The following JARID2 variants were observed in gnomAD, a reference collection of about 807,000 sequenced individuals.
JARID2 encodes the protein protein Jumonji.
A neutral mutation model predicts 125.6 loss-of-function variants in JARID2; 21 were observed. The ratio of observed to expected loss-of-function variants is 0.17; its 90% CI spans 0.12 to 0.24. JARID2 has a LOEUF of 0.24. Among genes scored for constraint, JARID2 ranks in the 10% least tolerant of loss-of-function variants. The probability of loss-of-function intolerance (pLI) is 1.00; values close to 1 mark genes in which losing one functional copy is unlikely to be tolerated. For synonymous variants in JARID2, 736 were observed against 661.6 expected, an observed-to-expected ratio of 1.11 and a Z score of -1.73; for missense variants, 1,303 against 1,639.6, an observed-to-expected ratio of 0.79 and a Z score of 3.55.
chr6:15,425,844 A>T lies in JARID2; in HGVS notation c.323+15479A>T, dbSNP rs547808271. On this transcript the variant is annotated intron_variant, in intron 3 of 17. Coordinates refer to ENST00000341776, the MANE Select transcript of JARID2 (RefSeq NM_004973.4). ...GGAACACAAGCAGAGTGACTAGGGA[A>T]ATTGCGGCAGCTTCAATATGGTCAT... Among the ~76,000 whole-genome samples, 9 of 152,314 alleles carry T rather than the reference A, an allele frequency of 5.9e-5. 1 individual carries two copies. In the South Asian group the frequency reaches 1.9e-3, roughly 32 times the overall value.
At chr6:15,417,866 C>T (rs893753111) in intron 3 of JARID2, among the ~76,000 whole-genome samples, 2 of 152,224 alleles carry the variant, frequency 1.3e-5, no homozygotes, top group Non-Finnish European at 2.9e-5. Flanking sequence ...TGTGAGTATG[C>T]ACATCCTTTC....
chr6:15,491,012 G>A (rs770819338), intron 6 of JARID2, among the ~76,000 whole-genome samples: 2 of 152,208 alleles, frequency 1.3e-5, no homozygotes, highest in Non-Finnish European at 2.9e-5. Context: ...TGTCACTGAA[G>A]AGGTTTTCAT....
intron 3 of JARID2, among the ~76,000 whole-genome samples, chr6:15,425,301 G>A (rs1259816677): frequency 6.6e-6 from 1 of 152,222 alleles, no homozygotes; most frequent in Non-Finnish European, 1.5e-5. Flanking sequence ...ATTTGTAAAT[G>A]AAAACGCATG....
intron 3 of JARID2, among the ~76,000 whole-genome samples, chr6:15,422,295 G>GT (rs1433089884): frequency 6.6e-6 from 1 of 152,186 alleles, no homozygotes; most frequent in Non-Finnish European, 1.5e-5. Flanking sequence ...GAGTTGGTAG[G>GT]TTTGGGGTGG....
intron 3 of JARID2, among the ~76,000 whole-genome samples, chr6:15,432,153 G>A (rs892877775): frequency 6.6e-5 from 10 of 152,126 alleles, no homozygotes; most frequent in African/African-American, 2.4e-4. Context: ...TACAGGCCGG[G>A]TGTGGTGGCT....
chr6:15,301,664 T>C (rs1277771799), intron 1 of JARID2, among the ~76,000 whole-genome samples: 3 of 152,224 alleles, frequency 2.0e-5, no homozygotes, highest in Non-Finnish European at 4.4e-5. Context: ...CCTTTTCCCA[T>C]AGTGATTTGA....
intron 1 of JARID2, among the ~76,000 whole-genome samples, chr6:15,338,418 A>C (rs923683072): frequency 1.3e-5 from 2 of 152,260 alleles, no homozygotes; most frequent in African/African-American, 2.4e-5. Flanking sequence ...TACGATTTAC[A>C]GAAAGGACTG....
chr6:15,493,775 A>G (rs1473872507), intron 6 of JARID2, among the ~76,000 whole-genome samples: 3 of 152,100 alleles, frequency 2.0e-5, no homozygotes, highest in Non-Finnish European at 4.4e-5. Flanking sequence ...TAGTGGAAGC[A>G]TTTGAAAGAA....
intron 2 of JARID2, among the ~76,000 whole-genome samples, chr6:15,405,303 G>C (rs1420851439): frequency 6.6e-6 from 1 of 152,200 alleles, no homozygotes; most frequent in Non-Finnish European, 1.5e-5. Flanking sequence ...AAAAGCTCCT[G>C]AATGTGCAGA....
intron 3 of JARID2, among the ~76,000 whole-genome samples, chr6:15,416,773 A>T (rs552392061): frequency 6.6e-6 from 1 of 152,048 alleles, no homozygotes; most frequent in East Asian, 1.9e-4. Context: ...GAATGGAACC[A>T]TTACAGAGAC....
Position 15,321,282 on chromosome 6 carries a change from CAAAG to C in JARID2, c.46-52831_46-52828del, listed in dbSNP as rs368312209. The stretch of plus-strand genomic sequence containing the variant: ...AAGGGAATGTCATTTTTTTACATCA[CAAAG>C]AAAAATCATGAAATTATTAATAGTT... On this transcript the variant is annotated intron_variant, in intron 1 of 17. Transcript: ENST00000341776. Among the ~76,000 whole-genome samples, 36 of 152,068 alleles carry C rather than the reference CAAAG, an allele frequency of 2.4e-4. 1 individual carries two copies. In the East Asian group the frequency reaches 6.6e-3, roughly 28 times the overall value.
At chr6:15,354,259 A>G (rs942463063) in intron 1 of JARID2, among the ~76,000 whole-genome samples, 2 of 152,224 alleles carry the variant, frequency 1.3e-5, no homozygotes, top group African/African-American at 4.8e-5. Context: ...TAAGGGGGCC[A>G]CAAGCCATGG....
At chr6:15,324,068 G>A (rs1762450775) in intron 1 of JARID2, among the ~76,000 whole-genome samples, 1 of 151,812 alleles carries the variant, frequency 6.6e-6, no homozygotes, top group Admixed American at 6.6e-5. Context: ...TGTAGTCCCA[G>A]CTACTCAGGC....
At chr6:15,497,806 C>T (rs1581647576) in intron 7 of JARID2, among the ~76,000 whole-genome samples, 1 of 152,270 alleles carries the variant, frequency 6.6e-6, no homozygotes, top group East Asian at 1.9e-4. Flanking sequence ...CTCTGGATTC[C>T]ACACTGGATT....
intron 1 of JARID2, among the ~76,000 whole-genome samples, chr6:15,285,415 G>A (rs533816205): frequency 7.9e-5 from 12 of 152,148 alleles, no homozygotes; most frequent in African/African-American, 2.9e-4. Context: ...GTGAGCCACC[G>A]CGCCCAGCCG....
intron 1 of JARID2, among the ~76,000 whole-genome samples, chr6:15,313,824 G>T (rs1307495839): frequency 6.6e-6 from 1 of 152,140 alleles, no homozygotes; most frequent in East Asian, 1.9e-4. Context: ...AAATACATTT[G>T]TCATCTAAAC....
chr6:15,430,707 G>A (rs1766932128), intron 3 of JARID2, among the ~76,000 whole-genome samples: 1 of 152,158 alleles, frequency 6.6e-6, no homozygotes, highest in Admixed American at 6.5e-5. Context: ...TTACCTGGGG[G>A]TTGTGGGACT....
intron 3 of JARID2, among the ~76,000 whole-genome samples, chr6:15,417,314 T>C (rs1766275613): frequency 6.6e-6 from 1 of 152,070 alleles, no homozygotes; most frequent in African/African-American, 2.4e-5. Flanking sequence ...GCAACAGGTA[T>C]TGTATCATAC....
intron 1 of JARID2, among the ~76,000 whole-genome samples, chr6:15,324,730 C>T (rs1264637276): frequency 6.6e-6 from 1 of 150,556 alleles, no homozygotes; most frequent in Non-Finnish European, 1.5e-5. Context: ...CAAGTGTGAT[C>T]CTCCTGCCTC....
Sources: allele counts gnomAD v4.1 joint callset (sites outside exome capture counted in the v4.1 genomes callset), GRCh38; gene constraint gnomAD v4.1.1; transcripts MANE v1.5; gene names NCBI Gene and HGNC (gene_info 2026-07-23, HGNC 2026-07-21).